Variants in DMXL2 observed in about 807,000 individuals in gnomAD.
DMXL2 encodes dmX-like protein 2.
Under a neutral mutation model 331.1 loss-of-function variants are expected in DMXL2, and 103 were observed. The ratio of observed to expected loss-of-function variants is 0.31; its 90% confidence interval spans 0.27 to 0.37. The LOEUF (loss-of-function observed/expected upper bound fraction) is 0.37. Among genes scored for constraint, DMXL2 ranks in the 10% least tolerant of loss-of-function variants. The pLI, the probability that DMXL2 is intolerant of heterozygous loss-of-function variation, is 1.00. For synonymous variants in DMXL2, 1,281 were observed against 1,252.1 expected (o/e 1.02, Z -0.49); for missense variants, 3,171 against 3,642.9 (o/e 0.87, Z 3.33).
Position 51,568,505 on chromosome 15 carries a change from AT to A in DMXL2, c.266del (p.Asn89IlefsTer21), listed in dbSNP as rs1378995749. 6.4e-7 allele frequency: 1 copy of A among 1,571,952 alleles called. No homozygotes were observed. The highest frequency in any genetic ancestry group is 8.6e-7 in the Non-Finnish European group (1 of 1,165,874). On this transcript the variant is annotated frameshift_variant, in exon 3 of 44. Coordinates refer to ENST00000560891, the MANE Select transcript of DMXL2 (RefSeq NM_001378457.1). LOFTEE classifies it high-confidence loss of function. ...AVCIFEPLGI[N>X]SHKRNCQLKC... ...TACTTACACAATTTCTTTTATGAGA[AT>A]TTATGCCCAAGGGCTCAAATATACA...
intron 6 of DMXL2, among the ~76,000 whole-genome samples, chr15:51,562,929 G>A (rs1051553005): frequency 7.9e-5 from 12 of 152,212 alleles, no homozygotes; most frequent in Middle Eastern, 3.4e-3. Context: ...AGGGGGCTGG[G>A]CAGAATCAAG....
chr15:51,547,226 T>A lies in DMXL2; in HGVS notation c.746+4A>T, dbSNP rs1471070697. Reference sequence around the variant, plus strand: ...ACTAAAGCTACATGATTCATTCATCTAACCTGGGCATATACTTGCTAGTTT... The same window carrying A: ...ACTAAAGCTACATGATTCATTCATCAAACCTGGGCATATACTTGCTAGTTT... On this transcript the variant is annotated splice_donor_region_variant and intron_variant, in intron 7 of 43. Transcript: ENST00000560891. The A allele has an allele frequency of 3.8e-6, 6 of 1,589,106 alleles. No homozygotes were observed. Among genetic ancestry groups the A allele is most frequent in the African/African-American group, 1.4e-5 (1 of 73,330 alleles).
In DMXL2 at chr15:51,480,150, T is replaced by C. The variant is rs146606788; in HGVS notation, c.6565-11A>G. On this transcript the variant is annotated splice_polypyrimidine_tract_variant and intron_variant, in intron 24 of 43. Coordinates refer to ENST00000560891, the MANE Select transcript of DMXL2 (RefSeq NM_001378457.1). ...CTTTACTGTAGTTTCCTGTGGGTGA[T>C]AGTGAATTATTTTTTTCAAAGTAGT... The C allele has an allele frequency of 8.9e-4, 1,337 of 1,499,762 alleles. 12 individuals carry two copies. In the African/African-American group the frequency reaches 0.016, roughly 18 times the overall value. The allele number at this position is 1,499,762 out of a possible 1,614,324, so 92.9% of individuals were successfully genotyped here.
intron 15 of DMXL2, 54 bp downstream of exon 15, chr15:51,514,388 G>C (rs888703352): frequency 4.6e-5 from 48 of 1,045,108 alleles, no homozygotes; most frequent in Admixed American, 2.6e-4. Flanking sequence ...TGAAAACTTA[G>C]AGATCATTTT....
intron 1 of DMXL2, among the ~76,000 whole-genome samples, chr15:51,576,676 CA>C (rs2051071004): frequency 2.6e-5 from 4 of 152,114 alleles, no homozygotes; most frequent in African/African-American, 9.7e-5. Context: ...ACAACAAAGG[CA>C]GAATTACATG....
At chr15:51,610,777 A>AT (rs1427998031) in intron 1 of DMXL2, among the ~76,000 whole-genome samples, 1 of 152,090 alleles carries the variant, frequency 6.6e-6, no homozygotes, top group Non-Finnish European at 1.5e-5. Context: ...CAAAAAAAAA[A>AT]AAAAACTTAT....
intron 18 of DMXL2, among the ~76,000 whole-genome samples, chr15:51,496,459 A>C (rs929164681): frequency 2.0e-5 from 3 of 152,216 alleles, no homozygotes; most frequent in Non-Finnish European, 4.4e-5. Context: ...TGAATCTGGA[A>C]GAAGAGCATT....
intron 42 of DMXL2, 131 bp downstream of exon 42, chr15:51,451,514 C>A (rs2039136105): frequency 1.4e-6 from 1 of 708,274 alleles, no homozygotes. Context: ...GTCATTCATT[C>A]TAAATATTTC....
At chr15:51,598,796 A>G (rs1386657146) in intron 1 of DMXL2, among the ~76,000 whole-genome samples, 1 of 152,210 alleles carries the variant, frequency 6.6e-6, no homozygotes. Context: ...TTTACTTTGG[A>G]CAGCAAATGC....
At position 51,459,677 on chromosome 15, in the gene DMXL2, C is replaced by T. The variant is rs755780665; in HGVS notation, c.7927-17G>A. On this transcript the variant is annotated splice_polypyrimidine_tract_variant and intron_variant, in intron 33 of 43. Transcript: ENST00000560891. Reference sequence around the variant, plus strand: ...TTCTATAGACTAAATACCACCACACCGTCACAAACACAAAACACATGCATG... The same window carrying T: ...TTCTATAGACTAAATACCACCACACTGTCACAAACACAAAACACATGCATG... The T allele has an allele frequency of 3.2e-5, 41 of 1,289,184 alleles. 1 individual carries two copies. Among genetic ancestry groups the T allele is most frequent in the South Asian group, 1.5e-4 (12 of 80,998 alleles). 79.9% of individuals were successfully genotyped at this position (1,289,184 alleles called of 1,614,324 possible). A position where few individuals can be genotyped will look rare whatever the true frequency, so the allele number is the denominator to read the frequency against.
chr15:51,535,978 G>C lies in DMXL2; in HGVS notation c.2314+188C>G, dbSNP rs117763590. 0.053 allele frequency among the ~76,000 whole-genome samples: 8,119 copies of C among 152,136 alleles called. 336 individuals carry two copies. Among genetic ancestry groups the C allele is most frequent in the Non-Finnish European group, 0.08 (5,407 of 67,976 alleles). On this transcript the variant is annotated intron_variant, in intron 12 of 43. Transcript: ENST00000560891. ...TTAAAAAATGGATTATGAGAGAAAA[G>C]GTTAAAAACTTCTGGAAGTTCTAAA...
Position 51,491,762 on chromosome 15 carries a change from T to A in DMXL2, c.4784-15A>T. 1 of 1,585,702 alleles carries A rather than the reference T, an allele frequency of 6.3e-7. No homozygotes were observed. The highest frequency in any genetic ancestry group is 1.2e-5 in the South Asian group (1 of 86,180). ...TGTAGAGACACCTAAATTGGAAATATAAAATAATAATCTGCGTAACTGTAT... is the reference window on the plus strand; with the variant it reads ...TGTAGAGACACCTAAATTGGAAATAAAAAATAATAATCTGCGTAACTGTAT... On this transcript the variant is annotated splice_polypyrimidine_tract_variant and intron_variant, in intron 19 of 43. Coordinates refer to ENST00000560891, the MANE Select transcript of DMXL2 (RefSeq NM_001378457.1).
At chr15:51,530,077 T>TA (rs961760567) in intron 13 of DMXL2, among the ~76,000 whole-genome samples, 2 of 151,844 alleles carry the variant, frequency 1.3e-5, no homozygotes, top group East Asian at 1.9e-4. Context: ...ATGAAAACTC[T>TA]AAAAAAAGTG....
At chr15:51,596,666 C>T (rs1217741381) in intron 1 of DMXL2, among the ~76,000 whole-genome samples, 2 of 152,158 alleles carry the variant, frequency 1.3e-5, no homozygotes, top group African/African-American at 2.4e-5. Flanking sequence ...GACTTGGAAC[C>T]AACCCAAATG....
chr15:51,593,740 T>C (rs1057471739), intron 1 of DMXL2, among the ~76,000 whole-genome samples: 3 of 152,058 alleles, frequency 2.0e-5, no homozygotes, highest in Non-Finnish European at 4.4e-5. Context: ...GCAATCAAAC[T>C]AGAACTCAGG....
chr15:51,528,905 A>ATT (rs2047839649), intron 13 of DMXL2, among the ~76,000 whole-genome samples: 1 of 152,230 alleles, frequency 6.6e-6, no homozygotes, highest in African/African-American at 2.4e-5. Context: ...AATAATATCA[A>ATT]GCATCTTCTC....
chr15:51,608,301 G>A (rs376313487), intron 1 of DMXL2, among the ~76,000 whole-genome samples: 9 of 152,158 alleles, frequency 5.9e-5, no homozygotes, highest in Admixed American at 1.3e-4. Context: ...GCATGCATGC[G>A]TATGTCCACT....
rs74013274 is a variant in DMXL2 at position 51,502,932 on chromosome 15, G to T, written c.2866C>A (p.Pro956Thr). 1,970 of 1,614,048 alleles carry T rather than the reference G, an allele frequency of 1.2e-3. 26 individuals carry two copies. The African/African-American group carries it at 0.023, about 19-fold the overall frequency. The change falls in exon 17 of 44, where the codon CCA becomes ACA. Residue 956 changes from proline to threonine, a missense_variant. Pro to Thr is a conservative substitution (Grantham distance 38). Around this residue, in one of 7 missense-constraint regions of DMXL2, gnomAD observed 1,674 missense variants for 1,780.2 expected, o/e 0.94. Transcript: ENST00000560891. ...PETSPSVSPM[P>T]HSSSIANLQT... is the part of the protein sequence containing the mutation. ...AGATTGGCAATTGATGAAGAATGTGGCATGGGGCTCACACTAGGAGAGGTT... is the reference window on the plus strand; with the variant it reads ...AGATTGGCAATTGATGAAGAATGTGTCATGGGGCTCACACTAGGAGAGGTT...
chr15:51,498,840 T>C lies in DMXL2; in HGVS notation c.4384A>G (p.Ser1462Gly). The change falls in exon 18 of 44, where the codon AGT becomes GGT. Residue 1462 changes from serine (S) to glycine (G), a missense_variant. Physicochemically the swap from Ser to Gly is moderately conservative, Grantham distance 56. Coordinates refer to ENST00000560891, the MANE Select transcript of DMXL2 (RefSeq NM_001378457.1). ...TCTGAATACTGATCCTCTGGTTGAC[T>C]TACTGTCTGATCTTCATAGCTCTGT... ...IPQSYEDQTV[S>G]QPEDQYSELF... The C allele has an allele frequency of 3.7e-6, 6 of 1,614,180 alleles. No individual in the cohort carries two copies. The highest frequency in any genetic ancestry group is 4.2e-6 in the Non-Finnish European group (5 of 1,179,994).
Sources: allele counts gnomAD v4.1 joint callset (sites outside exome capture counted in the v4.1 genomes callset), GRCh38; gene constraint gnomAD v4.1.1; regional missense constraint gnomAD v4.1.1; transcripts MANE v1.5; gene names NCBI Gene and HGNC (gene_info 2026-07-23, HGNC 2026-07-21).